Variants in EDAR observed in about 807,000 individuals in gnomAD.
EDAR encodes the protein tumor necrosis factor receptor superfamily member EDAR.
In EDAR, 38 loss-of-function variants were observed where a neutral mutation model predicts 51.3. The observed-to-expected ratio is 0.74, with a 90% CI of 0.57 to 0.97. The LOEUF is 0.97. EDAR is among the 50% of genes least tolerant of loss of function. The probability of loss-of-function intolerance (pLI) is 0.00; values close to 1 mark genes in which losing one functional copy is unlikely to be tolerated. For missense variants in EDAR, 528 were observed against 595.0 expected (o/e 0.89, Z 1.17); for synonymous variants, 227 against 242.1 (o/e 0.94, Z 0.58).
chr2:108,930,098 TC>T (rs1274646103), intron 3 of EDAR, 21 bp downstream of exon 3: 1 of 1,609,108 alleles, frequency 6.2e-7, no homozygotes, highest in South Asian at 1.1e-5. Flanking sequence ...CGCACCAGGC[TC>T]CAGGAGGGCT....
chr2:108,974,222 T>C (rs1224278134), intron 1 of EDAR, among the ~76,000 whole-genome samples: 1 of 145,380 alleles, frequency 6.9e-6, no homozygotes, highest in Admixed American at 7.2e-5. Flanking sequence ...CCCAGCTAGT[T>C]GGGAGGTTGA....
intron 5 of EDAR, among the ~76,000 whole-genome samples, chr2:108,919,822 C>T (rs1200987902): frequency 6.6e-6 from 1 of 152,236 alleles, no homozygotes; most frequent in Non-Finnish European, 1.5e-5. Context: ...CATGGGGAGC[C>T]CTTCTGCCCA....
At chr2:108,935,646 TCA>T (rs145008294) in intron 1 of EDAR, among the ~76,000 whole-genome samples, 3 of 151,766 alleles carry the variant, frequency 2.0e-5, no homozygotes, top group African/African-American at 7.2e-5. Flanking sequence ...GCACCCCTTT[TCA>T]CACACACACA....
At chr2:108,929,135 C>T (rs1017373951) in intron 4 of EDAR, 63 bp downstream of exon 4, 60 of 1,593,356 alleles carry the variant, frequency 3.8e-5, no homozygotes, top group Non-Finnish European at 4.7e-5. Flanking sequence ...GGTCCTTGCC[C>T]GTAGCCCCTC....
chr2:108,904,592 C>T (rs1696767862), intron 11 of EDAR, among the ~76,000 whole-genome samples: 1 of 152,108 alleles, frequency 6.6e-6, no homozygotes, highest in African/African-American at 2.4e-5. Flanking sequence ...ATGGTTAAAC[C>T]AACTCTGGTC....
At chr2:108,973,016 C>T (rs1001427328) in intron 1 of EDAR, among the ~76,000 whole-genome samples, 5 of 151,510 alleles carry the variant, frequency 3.3e-5, no homozygotes, top group African/African-American at 1.2e-4. Flanking sequence ...GATGGAGTTT[C>T]ACTCTTGTCA....
At chr2:108,927,658 C>T (rs961936268) in intron 4 of EDAR, among the ~76,000 whole-genome samples, 4 of 152,064 alleles carry the variant, frequency 2.6e-5, no homozygotes, top group Non-Finnish European at 4.4e-5. Context: ...TCTACTACAG[C>T]GGCCCCCAGC....
At chr2:108,933,657 GA>G (rs1697412548) in intron 1 of EDAR, among the ~76,000 whole-genome samples, 1 of 152,186 alleles carries the variant, frequency 6.6e-6, no homozygotes, top group Admixed American at 6.5e-5. Context: ...TTACCGTTTG[GA>G]AAACACTAAA....
At chr2:108,961,575 T>C (rs1698046345) in intron 1 of EDAR, among the ~76,000 whole-genome samples, 1 of 152,216 alleles carries the variant, frequency 6.6e-6, no homozygotes, top group African/African-American at 2.4e-5. Context: ...TTATGGACGT[T>C]CTGCAAAAAC....
intron 1 of EDAR, among the ~76,000 whole-genome samples, chr2:108,956,171 G>A (rs1697922395): frequency 6.6e-6 from 1 of 152,158 alleles, no homozygotes; most frequent in Non-Finnish European, 1.5e-5. Flanking sequence ...AAATGAACAA[G>A]CCATAATTAA....
intron 1 of EDAR, among the ~76,000 whole-genome samples, chr2:108,968,964 C>A (rs2104432931): frequency 6.6e-6 from 1 of 152,292 alleles, no homozygotes; most frequent in Non-Finnish European, 1.5e-5. Context: ...CTCTGTGGGA[C>A]CTTAAGCAGT....
intron 1 of EDAR, among the ~76,000 whole-genome samples, chr2:108,959,966 T>A (rs746095545): frequency 6.6e-6 from 1 of 152,206 alleles, no homozygotes; most frequent in Non-Finnish European, 1.5e-5. Context: ...ACATGGTCCC[T>A]TTCCATTTAA....
Position 108,958,507 on chromosome 2 carries a change from G to C in EDAR, c.-18-27475C>G, listed in dbSNP as rs75107136. On this transcript the variant is annotated intron_variant, in intron 1 of 11. Coordinates refer to ENST00000258443, the MANE Select transcript of EDAR (RefSeq NM_022336.4). ...CACAAGGGTGCGTTTGTTCAGGCAG[G>C]GGGCAGAACAGGGGGGCATGGCAAG... 5.7e-3 allele frequency among the ~76,000 whole-genome samples: 863 copies of C among 152,028 alleles called. 8 individuals carry two copies. Among genetic ancestry groups the C allele is most frequent in the African/African-American group, 0.02 (831 of 41,350 alleles).
intron 1 of EDAR, among the ~76,000 whole-genome samples, chr2:108,948,600 G>A (rs190772997): frequency 6.6e-5 from 10 of 152,278 alleles, no homozygotes; most frequent in Admixed American, 2.0e-4. Context: ...AGCAAGGCAC[G>A]TCTCACATGG....
intron 1 of EDAR, among the ~76,000 whole-genome samples, chr2:108,969,295 C>T (rs1180029428): frequency 6.6e-6 from 1 of 152,034 alleles, no homozygotes; most frequent in Non-Finnish European, 1.5e-5. Flanking sequence ...TTGATTCTGT[C>T]TTTCCAAGAC....
Position 108,907,771 on chromosome 2 carries a change from G to A in EDAR, c.963+89C>T. The A allele has an allele frequency of 2.0e-6, 3 of 1,493,990 alleles. No individual in the cohort carries two copies. The East Asian group carries it at 6.8e-5, about 34-fold the overall frequency. 92.5% of individuals were successfully genotyped at this position (1,493,990 alleles called of 1,614,324 possible). The stretch of plus-strand genomic sequence containing the variant: ...TCTGGGAGAAACACCCCGTCTTGCA[G>A]GAGAGCTGATTCAATAAGAAAGTTT... On this transcript the variant is annotated intron_variant, in intron 10 of 11. Transcript: ENST00000258443.
chr2:108,900,506 A>G (rs1169010114), intron 11 of EDAR, among the ~76,000 whole-genome samples: 1 of 151,880 alleles, frequency 6.6e-6, no homozygotes, highest in African/African-American at 2.4e-5. Context: ...GTGAGCCAAG[A>G]TCATGCCATT....
intron 4 of EDAR, among the ~76,000 whole-genome samples, chr2:108,927,781 C>T (rs116649426): frequency 1.3e-3 from 205 of 152,276 alleles, no homozygotes; most frequent in African/African-American, 4.5e-3. Flanking sequence ...ATTCCACACA[C>T]ACAACCTCTA....
At chr2:108,919,198 TC>T (rs1257985012) in intron 5 of EDAR, among the ~76,000 whole-genome samples, 1 of 152,040 alleles carries the variant, frequency 6.6e-6, no homozygotes, top group Non-Finnish European at 1.5e-5. Context: ...CGGAAGAGCA[TC>T]CGGGCACAAG....
Sources: allele counts gnomAD v4.1 joint callset (sites outside exome capture counted in the v4.1 genomes callset), GRCh38; gene constraint gnomAD v4.1.1; transcripts MANE v1.5; gene names NCBI Gene and HGNC (gene_info 2026-07-23, HGNC 2026-07-21).